The following PCDHGB2 variants were observed in gnomAD, a reference collection of about 807,000 sequenced individuals.
The protein encoded by PCDHGB2 is protocadherin gamma-B2.
A neutral mutation model predicts 59.3 loss-of-function variants in PCDHGB2; 55 were observed. The ratio of observed to expected loss-of-function variants is 0.93; its 90% confidence interval spans 0.75 to 1.16. The LOEUF (loss-of-function observed/expected upper bound fraction) is 1.16. Among genes scored for constraint, PCDHGB2 ranks in the 50% most tolerant of loss-of-function variants. The probability of loss-of-function intolerance (pLI) is 0.00; values close to 1 mark genes in which losing one functional copy is unlikely to be tolerated. For missense variants in PCDHGB2, 1,228 were observed against 1,198.5 expected, an observed-to-expected ratio of 1.02 and a Z score of -0.36; for synonymous variants, 516 against 512.0, an observed-to-expected ratio of 1.01 and a Z score of -0.11.
intron 1 of PCDHGB2, among the ~76,000 whole-genome samples, chr5:141,401,627 G>A (rs998564450): frequency 6.6e-6 from 1 of 152,176 alleles, no homozygotes; most frequent in African/African-American, 2.4e-5. Flanking sequence ...TTGTCTTATC[G>A]TTTGGAGCTT....
At chr5:141,385,670 C>A in intron 1 of PCDHGB2, 1 of 420,128 alleles carries the variant, frequency 2.4e-6, no homozygotes, top group Non-Finnish European at 3.4e-6. Flanking sequence ...GAATAAAACA[C>A]ACCTCAGCTG....
At chr5:141,386,155 C>T (rs763846568) in intron 1 of PCDHGB2, among the ~76,000 whole-genome samples, 3 of 152,278 alleles carry the variant, frequency 2.0e-5, no homozygotes, top group South Asian at 2.1e-4. Flanking sequence ...AACTGTCTCA[C>T]GTACTCAAAC....
rs371979287 is a variant in PCDHGB2, at chr5:141,384,185, C to A, written c.2421+21629C>A. On this transcript the variant is annotated intron_variant, in intron 1 of 3. Transcript: ENST00000522605. Reference sequence around the variant, plus strand: ...ACACTGAAAGCCACAGATGGTGGAACTCCTCCCTTGTCCAGGGAAACTCAC... The same window carrying A: ...ACACTGAAAGCCACAGATGGTGGAAATCCTCCCTTGTCCAGGGAAACTCAC... The A allele has an allele frequency of 6.2e-7, 1 of 1,613,718 alleles. No homozygotes were observed. Among genetic ancestry groups the A allele is most frequent in the Non-Finnish European group, 8.5e-7 (1 of 1,179,848 alleles).
intron 1 of PCDHGB2, among the ~76,000 whole-genome samples, chr5:141,492,080 G>A (rs576661909): frequency 6.6e-6 from 1 of 152,352 alleles, no homozygotes; most frequent in African/African-American, 2.4e-5. Context: ...GCCGGCTCCG[G>A]CACGCTTCGC....
intron 1 of PCDHGB2, chr5:141,421,791 TG>T (rs1561796446): frequency 6.2e-7 from 1 of 1,613,792 alleles, no homozygotes; most frequent in Non-Finnish European, 8.5e-7. Flanking sequence ...GCAGAACGGA[TG>T]GGGCCAAGAA....
chr5:141,503,598 CAAAAAAAAAA>C (rs765754054), intron 2 of PCDHGB2, among the ~76,000 whole-genome samples: 1 of 65,762 alleles, frequency 1.5e-5, no homozygotes. Context: ...GACTCCAGCT[CAAAAAAAAAA>C]AAAAAAGAAA....
intron 1 of PCDHGB2, chr5:141,384,651 C>G (rs138410124): frequency 1.2e-6 from 2 of 1,614,076 alleles, no homozygotes; most frequent in Non-Finnish European, 1.7e-6. Context: ...CCGCAGAGCC[C>G]GGCTACCTGG....
In PCDHGB2 at chr5:141,431,048, A is replaced by T; in HGVS notation, c.2422-63759A>T. On this transcript the variant is annotated intron_variant, in intron 1 of 3. Transcript: ENST00000522605. This position sits in a 1 kb window ranked among gnomAD's most constrained non-coding sequence, Gnocchi z 4.8. ...CAGGATAGACCGGGAGGAGCTCTGT[A>T]TGGGGGCCATCAAGTGTCAATTAAA... 6.2e-7 allele frequency: 1 copy of T among 1,614,180 alleles called. No homozygotes were observed. The highest frequency in any genetic ancestry group is 1.1e-5 in the South Asian group (1 of 91,088).
chr5:141,389,442 C>T, intron 1 of PCDHGB2: 2 of 1,610,586 alleles, frequency 1.2e-6, no homozygotes, highest in Non-Finnish European at 1.7e-6. Context: ...CGCCTTCGAC[C>T]ACGAGCAGCT....
At chr5:141,421,721 T>G in intron 1 of PCDHGB2, 1 of 1,613,940 alleles carries the variant, frequency 6.2e-7, no homozygotes, top group Non-Finnish European at 8.5e-7. Flanking sequence ...GATGTGGGCG[T>G]GAACTCCCTC....
At chr5:141,424,577 A>T (rs958508704) in intron 1 of PCDHGB2, 1 of 152,206 alleles carries the variant, frequency 6.6e-6, no homozygotes, top group Non-Finnish European at 1.5e-5. Context: ...ACCTATTTTC[A>T]AATGTGCTAA....
chr5:141,421,207 A>G (rs1318794693), intron 1 of PCDHGB2: 3 of 1,533,934 alleles, frequency 2.0e-6, no homozygotes, highest in Non-Finnish European at 2.6e-6. Context: ...GAAACCGCGG[A>G]ATATCGGCTT....
At position 141,490,735 on chromosome 5, in the gene PCDHGB2, C is replaced by T; in HGVS notation, c.2422-4072C>T. The T allele has an allele frequency of 2.5e-6, 4 of 1,614,194 alleles. No individual in the cohort carries two copies. Among genetic ancestry groups the T allele is most frequent in the Non-Finnish European group, 2.5e-6 (3 of 1,180,018 alleles). ...CTACTCCATTGTAGGAAATCAGGTTCAGGGAGCCCCAGCCTCCTCCTTTGT... is the reference window on the plus strand; with the variant it reads ...CTACTCCATTGTAGGAAATCAGGTTTAGGGAGCCCCAGCCTCCTCCTTTGT... On this transcript the variant is annotated intron_variant, in intron 1 of 3. Transcript: ENST00000522605. This position sits in a 1 kb window ranked among gnomAD's most constrained non-coding sequence, Gnocchi z 5.4.
In PCDHGB2 at chr5:141,366,839, A is replaced by G. The variant is rs372026898; in HGVS notation, c.2421+4283A>G. The G allele has an allele frequency of 1.6e-5, 24 of 1,499,090 alleles. No homozygotes were observed. In the African/African-American group the frequency reaches 3.1e-4, roughly 19 times the overall value. 92.9% of individuals were successfully genotyped at this position (1,499,090 alleles called of 1,614,324 possible). A position where few individuals can be genotyped will look rare whatever the true frequency, so the allele number is the denominator to read the frequency against. On this transcript the variant is annotated intron_variant, in intron 1 of 3. Coordinates refer to ENST00000522605, the MANE Select transcript of PCDHGB2 (RefSeq NM_018923.3). ...CTGTCATATTCAGAATCAGCTAGTT[A>G]TGTAAATAGTGGAACATTATTTGCT...
At chr5:141,383,538 A>G in intron 1 of PCDHGB2, 1 of 1,612,704 alleles carries the variant, frequency 6.2e-7, no homozygotes, top group African/African-American at 1.3e-5. Context: ...TGGTCCTCAC[A>G]GCCTCTGATG....
In PCDHGB2 at chr5:141,361,388, A is replaced by T; in HGVS notation, c.1253A>T (p.Tyr418Phe). ...CTGGACCGGGAGGAGATCCCAGAAT[A>T]CAATCTCACCATCACAGCCACCGAC... ...GALDREEIPE[Y>F]NLTITATDGG... The change falls in exon 1 of 4, where the codon TAC becomes TTC. Residue 418 changes from tyrosine (Y) to phenylalanine (F), a missense_variant. Physicochemically the swap from Tyr to Phe is conservative, Grantham distance 22 (BLOSUM62 3). This residue lies in a region of PCDHGB2 where 781 missense variants were observed against 721.6 expected (regional missense o/e 1.08). Coordinates refer to ENST00000522605, the MANE Select transcript of PCDHGB2 (RefSeq NM_018923.3). The T allele has an allele frequency of 6.2e-7, 1 of 1,614,000 alleles. No homozygotes were observed. Among genetic ancestry groups the T allele is most frequent in the Non-Finnish European group, 8.5e-7 (1 of 1,179,890 alleles).
chr5:141,421,642 G>A, intron 1 of PCDHGB2: 1 of 1,613,850 alleles, frequency 6.2e-7, no homozygotes, highest in South Asian at 1.1e-5. Flanking sequence ...GGAGGACGAA[G>A]TGGAGATAAA....
intron 1 of PCDHGB2, chr5:141,409,727 G>A (rs1000014772): frequency 6.2e-7 from 1 of 1,613,158 alleles, no homozygotes; most frequent in South Asian, 1.1e-5. Context: ...GTCAGTGAGC[G>A]CGCAGAGCGG....
intron 1 of PCDHGB2, chr5:141,393,578 G>T: frequency 6.2e-7 from 1 of 1,613,930 alleles, no homozygotes; most frequent in Non-Finnish European, 8.5e-7. Context: ...TTGAGAACAT[G>T]CCCCCAGGCA....
Sources: gnomAD v4.1 joint callset for allele counts (sites outside exome capture counted in the v4.1 genomes callset) on GRCh38, gnomAD v4.1.1 for gene constraint, gnomAD v4.1.1 regional missense constraint, Gnocchi (gnomAD v3.1) non-coding constraint, MANE v1.5 for transcripts, NCBI Gene and HGNC (gene_info 2026-07-23, HGNC 2026-07-21) for gene names.